Variants in GABRB2 observed in about 807,000 individuals in gnomAD.
GABRB2 encodes gamma-aminobutyric acid receptor subunit beta-2.
In GABRB2, 16 loss-of-function variants were observed where a neutral mutation model predicts 54.7. The observed-to-expected ratio is 0.29, with a 90% CI of 0.20 to 0.44. The LOEUF (loss-of-function observed/expected upper bound fraction) is 0.44. Ranked by LOEUF, GABRB2 falls within the 20% of genes least tolerant of loss-of-function variation. The pLI, the probability that GABRB2 is intolerant of heterozygous loss-of-function variation, is 1.00. For synonymous variants in GABRB2, 244 were observed against 233.8 expected (o/e 1.04, Z -0.40); for missense variants, 355 against 644.0 (o/e 0.55, Z 4.86).
At chr5:161,396,289 GTTAGAGTACTGTGA>G (rs1315947612) in intron 5 of GABRB2, among the ~76,000 whole-genome samples, 3 of 152,160 alleles carry the variant, frequency 2.0e-5, no homozygotes, top group Non-Finnish European at 1.5e-5. Context: ...CCTTTACTAT[GTTAGAGTACTGTGA>G]TTAGAGGGAC....
intron 3 of GABRB2, among the ~76,000 whole-genome samples, chr5:161,488,734 A>G (rs1226453036): frequency 6.6e-6 from 1 of 151,752 alleles, no homozygotes; most frequent in Non-Finnish European, 1.5e-5. Context: ...TTTCCAGACT[A>G]AAGCAAAATA....
chr5:161,337,411 C>T (rs1301789007), intron 5 of GABRB2, among the ~76,000 whole-genome samples: 1 of 152,092 alleles, frequency 6.6e-6, no homozygotes. Flanking sequence ...CACAGAAAAA[C>T]TCAAAACAAC....
rs761685238 is a variant in GABRB2, at chr5:161,471,512, C to G, written c.238-11668G>C. On this transcript the variant is annotated intron_variant, in intron 3 of 9. Transcript: ENST00000393959. ...ACATGGAAGCTGCACCTAAGATCAC[C>G]CATAAGGGAAATCCAAGTTCAGAAG... 1.7e-4 allele frequency among the ~76,000 whole-genome samples: 26 copies of G among 151,946 alleles called. No homozygotes were observed. In the South Asian group the frequency reaches 1.9e-3, roughly 11 times the overall value.
intron 3 of GABRB2, among the ~76,000 whole-genome samples, chr5:161,489,356 C>T (rs912517061): frequency 6.6e-6 from 1 of 151,596 alleles, no homozygotes; most frequent in South Asian, 2.1e-4. Flanking sequence ...TGATTTAGCT[C>T]GCAGTCTGTG....
intron 4 of GABRB2, among the ~76,000 whole-genome samples, chr5:161,433,807 G>T (rs533007738): frequency 1.3e-5 from 2 of 152,112 alleles, no homozygotes; most frequent in Admixed American, 1.3e-4. Context: ...CCTGCAGGAT[G>T]ATTCTCTGTT....
intron 5 of GABRB2, among the ~76,000 whole-genome samples, chr5:161,356,202 G>C (rs1561620112): frequency 2.0e-5 from 3 of 152,108 alleles, no homozygotes; most frequent in African/African-American, 7.2e-5. Flanking sequence ...ATAGTAACTT[G>C]AATACGCTAA....
chr5:161,468,188 T>G (rs191731557), intron 3 of GABRB2, among the ~76,000 whole-genome samples: 1 of 152,152 alleles, frequency 6.6e-6, no homozygotes, highest in Non-Finnish European at 1.5e-5. Context: ...GTAAAGCAAA[T>G]CATGTCTTTT....
At chr5:161,460,258 T>TTTTATATA (rs1554102190) in intron 3 of GABRB2, among the ~76,000 whole-genome samples, 2 of 148,684 alleles carry the variant, frequency 1.3e-5, no homozygotes, top group African/African-American at 5.0e-5. Flanking sequence ...GAAAACAAAT[T>TTTTATATA]TATATATATA....
chr5:161,296,215 C>A (rs1370465907), intron 9 of GABRB2, among the ~76,000 whole-genome samples: 1 of 152,114 alleles, frequency 6.6e-6, no homozygotes, highest in Admixed American at 6.5e-5. Flanking sequence ...GGAAAGTAAA[C>A]CTGATGGAAA....
intron 3 of GABRB2, among the ~76,000 whole-genome samples, chr5:161,539,189 A>T (rs1760736174): frequency 6.6e-6 from 1 of 152,246 alleles, no homozygotes; most frequent in African/African-American, 2.4e-5. Flanking sequence ...TAATCCTCAG[A>T]GCCAAAATTT....
chr5:161,423,836 G>T (rs971578992), intron 4 of GABRB2, among the ~76,000 whole-genome samples: 1 of 152,056 alleles, frequency 6.6e-6, no homozygotes, highest in Non-Finnish European at 1.5e-5. Flanking sequence ...TGTTATGAAC[G>T]CAAAACAAAA....
intron 3 of GABRB2, among the ~76,000 whole-genome samples, chr5:161,497,189 C>T (rs915183018): frequency 5.9e-5 from 9 of 152,080 alleles, no homozygotes; most frequent in African/African-American, 1.7e-4. Context: ...TTGAAACTCA[C>T]AGGTGATCCC....
At chr5:161,463,025 T>C (rs1396836405) in intron 3 of GABRB2, among the ~76,000 whole-genome samples, 1 of 151,962 alleles carries the variant, frequency 6.6e-6, no homozygotes, top group African/African-American at 2.4e-5. Flanking sequence ...CACTTCTGGG[T>C]GCTCCTTGAT....
At chr5:161,424,833 G>A (rs1212019974) in intron 4 of GABRB2, among the ~76,000 whole-genome samples, 1 of 152,088 alleles carries the variant, frequency 6.6e-6, no homozygotes, top group Non-Finnish European at 1.5e-5. Context: ...AACCTGGAAA[G>A]AATTCACCAT....
At chr5:161,475,228 C>T (rs1055106839) in intron 3 of GABRB2, among the ~76,000 whole-genome samples, 2 of 151,916 alleles carry the variant, frequency 1.3e-5, no homozygotes, top group Admixed American at 6.6e-5. Context: ...TTACACATGA[C>T]ATGTGAACTT....
intron 3 of GABRB2, among the ~76,000 whole-genome samples, chr5:161,514,436 G>T (rs1329905815): frequency 6.6e-6 from 1 of 152,142 alleles, no homozygotes; most frequent in Non-Finnish European, 1.5e-5. Flanking sequence ...CATCATAAGA[G>T]AAAACATCTG....
chr5:161,413,136 T>C (rs956243878), intron 4 of GABRB2, among the ~76,000 whole-genome samples: 3 of 152,154 alleles, frequency 2.0e-5, no homozygotes, highest in African/African-American at 7.2e-5. Context: ...CTTTGTTCTA[T>C]TTGCTGTTAA....
At chr5:161,396,565 A>G (rs1337652514) in intron 5 of GABRB2, among the ~76,000 whole-genome samples, 1 of 152,174 alleles carries the variant, frequency 6.6e-6, no homozygotes, top group Non-Finnish European at 1.5e-5. Flanking sequence ...TTCCAAGCCT[A>G]GTAAAGTATC....
chr5:161,423,133 G>A (rs1388804339), intron 4 of GABRB2, among the ~76,000 whole-genome samples: 1 of 151,996 alleles, frequency 6.6e-6, no homozygotes, highest in Admixed American at 6.6e-5. Flanking sequence ...TTTGCAGGTT[G>A]TTTTTGTGTG....
Sources: allele counts gnomAD v4.1 joint callset (sites outside exome capture counted in the v4.1 genomes callset), GRCh38; gene constraint gnomAD v4.1.1; transcripts MANE v1.5; gene names NCBI Gene and HGNC (gene_info 2026-07-23, HGNC 2026-07-21).